The following MAGI2 variants were observed in gnomAD, a reference collection of about 807,000 sequenced individuals.
The protein encoded by MAGI2 is membrane associated guanylate kinase, WW and PDZ domain containing 2.
Under a neutral mutation model 133.3 loss-of-function variants are expected in MAGI2, and 35 were observed. That is an observed-to-expected ratio of 0.26 (90% CI 0.20 to 0.35). The LOEUF is 0.35. Among genes scored for constraint, MAGI2 ranks in the 10% least tolerant of loss-of-function variants. The pLI, the probability that MAGI2 is intolerant of heterozygous loss-of-function variation, is 1.00. For missense variants in MAGI2, 1,636 were observed against 1,863.4 expected (o/e 0.88, Z 2.25); for synonymous variants, 729 against 710.6 (o/e 1.03, Z -0.41).
intron 2 of MAGI2, among the ~76,000 whole-genome samples, chr7:78,836,464 A>G (rs548789394): frequency 6.6e-6 from 1 of 152,186 alleles, no homozygotes; most frequent in African/African-American, 2.4e-5. Context: ...TTTATTTTTA[A>G]TTTTTACCTT....
intron 9 of MAGI2, among the ~76,000 whole-genome samples, chr7:78,336,370 G>A (rs1476125101): frequency 3.3e-5 from 5 of 152,220 alleles, no homozygotes; most frequent in East Asian, 3.9e-4. Context: ...TAGAGGTAGC[G>A]ACCACTGAAA....
chr7:79,210,617 T>C (rs1236894467), intron 1 of MAGI2, among the ~76,000 whole-genome samples: 1 of 152,050 alleles, frequency 6.6e-6, no homozygotes, highest in Non-Finnish European at 1.5e-5. Flanking sequence ...GCATGGGAAA[T>C]GTCCCAGCAC....
intron 2 of MAGI2, among the ~76,000 whole-genome samples, chr7:78,800,323 G>A (rs999100287): frequency 6.6e-6 from 1 of 152,066 alleles, no homozygotes; most frequent in Non-Finnish European, 1.5e-5. Flanking sequence ...GAGTGGGGAG[G>A]ATGAATTGTG....
At chr7:79,064,214 T>C (rs1814080070) in intron 1 of MAGI2, among the ~76,000 whole-genome samples, 1 of 152,058 alleles carries the variant, frequency 6.6e-6, no homozygotes, top group Admixed American at 6.6e-5. Context: ...GAAGATCTAG[T>C]GGTAAAACAC....
chr7:79,207,068 C>A (rs559737734), intron 1 of MAGI2, among the ~76,000 whole-genome samples: 1 of 151,670 alleles, frequency 6.6e-6, no homozygotes, highest in African/African-American at 2.4e-5. Context: ...TTCTATAGTC[C>A]GTAACACAAT....
At chr7:78,105,308 T>TA (rs1321327240) in intron 20 of MAGI2, among the ~76,000 whole-genome samples, 2 of 152,160 alleles carry the variant, frequency 1.3e-5, no homozygotes, top group African/African-American at 4.8e-5. Flanking sequence ...ACATTGCTGT[T>TA]ACAGACATTC....
chr7:78,952,813 C>A (rs1019753590), intron 2 of MAGI2, among the ~76,000 whole-genome samples: 3 of 152,088 alleles, frequency 2.0e-5, no homozygotes, highest in Non-Finnish European at 4.4e-5. Flanking sequence ...TTTTAAAATT[C>A]TATTTTATTA....
In MAGI2 at chr7:78,719,605, C is replaced by A. The variant is rs527573230; in HGVS notation, c.419-92366G>T. Among the ~76,000 whole-genome samples the A allele has an allele frequency of 3.3e-5, 5 of 152,314 alleles. No homozygotes were observed. In the South Asian group the frequency reaches 1.0e-3, roughly 32 times the overall value. On this transcript the variant is annotated intron_variant, in intron 2 of 21. Coordinates refer to ENST00000354212, the MANE Select transcript of MAGI2 (RefSeq NM_012301.4). ...CACGAAGAAAATAAGCAAGTTGCAA[C>A]CCTCTTTCTTTTACTTTCAACGACA... is the stretch of plus-strand genomic sequence containing the variant.
chr7:78,473,631 G>A (rs921607692), intron 6 of MAGI2, among the ~76,000 whole-genome samples: 1 of 151,998 alleles, frequency 6.6e-6, no homozygotes, highest in Non-Finnish European at 1.5e-5. Flanking sequence ...TGATCCAGGT[G>A]CATTTACCAT....
chr7:78,973,827 G>A (rs767332964), intron 2 of MAGI2, among the ~76,000 whole-genome samples: 20 of 151,600 alleles, frequency 1.3e-4, no homozygotes, highest in South Asian at 2.1e-4. Flanking sequence ...ATTTTACCCC[G>A]TTACAATAGT....
intron 1 of MAGI2, among the ~76,000 whole-genome samples, chr7:79,017,583 C>G (rs531198648): frequency 5.3e-5 from 8 of 152,280 alleles, no homozygotes; most frequent in African/African-American, 1.9e-4. Flanking sequence ...CCTAACTAGG[C>G]TGAGATGGCT....
At chr7:78,158,139 C>T (rs1490061181) in intron 16 of MAGI2, 2 of 152,174 alleles carry the variant, frequency 1.3e-5, no homozygotes, top group Admixed American at 6.6e-5. Context: ...CACCCCTCCC[C>T]TATCCCACAT....
intron 9 of MAGI2, among the ~76,000 whole-genome samples, chr7:78,274,415 T>G (rs1584668090): frequency 6.6e-6 from 1 of 151,698 alleles, no homozygotes; most frequent in Non-Finnish European, 1.5e-5. Flanking sequence ...TACACAGGGG[T>G]CAGGGACCCA....
chr7:78,119,738 A>T (rs6951433), intron 20 of MAGI2, among the ~76,000 whole-genome samples: 130,210 of 151,956 alleles, frequency 0.86, 56,207 homozygotes, highest in African/African-American at 0.91. Flanking sequence ...AGGGAGTATA[A>T]GGAAAATCTC....
At chr7:78,367,000 T>C (rs1793445655) in intron 7 of MAGI2, among the ~76,000 whole-genome samples, 2 of 152,136 alleles carry the variant, frequency 1.3e-5, no homozygotes, top group African/African-American at 2.4e-5. Context: ...GATCTAATTA[T>C]AGAACACATG....
intron 13 of MAGI2, among the ~76,000 whole-genome samples, chr7:78,179,370 A>G (rs937886452): frequency 6.6e-6 from 1 of 152,238 alleles, no homozygotes; most frequent in African/African-American, 2.4e-5. Flanking sequence ...AATGCTGGCC[A>G]GGCAAATATT....
At chr7:78,844,720 G>C (rs1361534419) in intron 2 of MAGI2, among the ~76,000 whole-genome samples, 10 of 151,732 alleles carry the variant, frequency 6.6e-5, no homozygotes. Flanking sequence ...ATGTTCTGGA[G>C]TCAGAAACTG....
chr7:78,035,595 G>A (rs1340081747), intron 21 of MAGI2, among the ~76,000 whole-genome samples: 1 of 152,058 alleles, frequency 6.6e-6, no homozygotes, highest in Non-Finnish European at 1.5e-5. Flanking sequence ...CCACTCTCCC[G>A]AGGTTGACTT....
chr7:78,875,456 G>T (rs924851454), intron 2 of MAGI2, among the ~76,000 whole-genome samples: 2 of 152,136 alleles, frequency 1.3e-5, no homozygotes, highest in Non-Finnish European at 2.9e-5. Flanking sequence ...AGGCTCAGAA[G>T]ACCCTCAGGG....
Sources: gnomAD v4.1 joint callset for allele counts (sites outside exome capture counted in the v4.1 genomes callset) on GRCh38, gnomAD v4.1.1 for gene constraint, MANE v1.5 for transcripts, NCBI Gene and HGNC (gene_info 2026-07-23, HGNC 2026-07-21) for gene names.